Variants in LNX1 observed in about 807,000 individuals in gnomAD.
LNX1 encodes the protein E3 ubiquitin-protein ligase LNX.
LNX1 carries 54 observed loss-of-function variants against 68.4 expected under a neutral mutation model. The observed-to-expected ratio is 0.79, with a 90% CI of 0.63 to 0.99. The LOEUF (loss-of-function observed/expected upper bound fraction) is 0.99, where lower values mean the gene tolerates loss of function less well. Among genes scored for constraint, LNX1 ranks in the 50% least tolerant of loss-of-function variants. The pLI is 0.00. For synonymous variants in LNX1, 336 were observed against 350.0 expected (o/e 0.96, Z 0.45); for missense variants, 906 against 926.4 (o/e 0.98, Z 0.29).
intron 2 of LNX1, among the ~76,000 whole-genome samples, chr4:53,561,072 G>A (rs991311040): frequency 2.0e-5 from 3 of 152,052 alleles, no homozygotes; most frequent in Admixed American, 6.6e-5. Context: ...ACTAAACAAG[G>A]TTTATTTAGG....
chr4:53,613,102 G>A (rs1341269799), intron 2 of LNX1, among the ~76,000 whole-genome samples: 1 of 149,690 alleles, frequency 6.7e-6, no homozygotes, highest in African/African-American at 2.5e-5. Flanking sequence ...TTATTAATAT[G>A]GGCTTTCTGG....
chr4:53,523,361 A>C (rs765923116), intron 2 of LNX1: 3 of 152,308 alleles, frequency 2.0e-5, no homozygotes, highest in Non-Finnish European at 4.4e-5. Context: ...GTCTCAGCTC[A>C]CTGCAACCTC....
chr4:53,565,174 T>TA (rs1730576071), intron 2 of LNX1, among the ~76,000 whole-genome samples: 2 of 152,108 alleles, frequency 1.3e-5, no homozygotes, highest in Non-Finnish European at 2.9e-5. Context: ...CCTGCCTCTG[T>TA]AGGCTCCACC....
chr4:53,492,506 T>TGAGAGAGAGTGA (rs1553931985), intron 6 of LNX1, among the ~76,000 whole-genome samples: 1 of 88,942 alleles, frequency 1.1e-5, no homozygotes, highest in African/African-American at 4.0e-5. Context: ...CAGAGGGCTC[T>TGAGAGAGAGTGA]GAGAGAGAGA....
intron 4 of LNX1, among the ~76,000 whole-genome samples, chr4:53,499,340 G>A (rs543081117): frequency 6.6e-5 from 10 of 152,088 alleles, no homozygotes; most frequent in Middle Eastern, 3.4e-3. Flanking sequence ...TACATTTTTT[G>A]TGGAGACGGA....
rs758603929 is a variant in LNX1 at position 53,573,671 on chromosome 4, C to T, written c.332G>A (p.Cys111Tyr). ...GTCACAGCGCTGCAACACCTGGGTGCAGTGCTCCCTGAATGGGCAGGTCAC... is the reference window on the plus strand; with the variant it reads ...GTCACAGCGCTGCAACACCTGGGTGTAGTGCTCCCTGAATGGGCAGGTCAC... The part of the protein sequence containing the change: ...LLVTCPFREH[C>Y]TQVLQRCDLE... Residue 111 changes from cysteine to tyrosine, a missense_variant, in exon 2 of 11, where the codon TGC (cysteine) becomes TAC (tyrosine). By Grantham distance (194) the Cys-to-Tyr change is radical (BLOSUM62 -2). Transcript: ENST00000263925. 1.2e-6 allele frequency: 2 copies of T among 1,608,044 alleles called. No individual in the cohort carries two copies. The highest frequency in any genetic ancestry group is 1.7e-6 in the Non-Finnish European group (2 of 1,177,388).
chr4:53,535,974 G>T (rs752579862), intron 2 of LNX1, among the ~76,000 whole-genome samples: 3 of 152,140 alleles, frequency 2.0e-5, no homozygotes, highest in African/African-American at 4.8e-5. Context: ...CAGTACTTCC[G>T]AGAGGTATTC....
chr4:53,513,319 A>G (rs1464657152), intron 2 of LNX1, among the ~76,000 whole-genome samples: 4 of 152,198 alleles, frequency 2.6e-5, no homozygotes, highest in Non-Finnish European at 4.4e-5. Context: ...CCTATTAGTT[A>G]TACCACCTCA....
intron 2 of LNX1, among the ~76,000 whole-genome samples, chr4:53,604,681 T>C (rs747490381): frequency 1.3e-5 from 2 of 152,236 alleles, no homozygotes; most frequent in Non-Finnish European, 2.9e-5. Flanking sequence ...CAACCAAAAA[T>C]GAATTATGAA....
At chr4:53,582,792 A>G (rs887678705) in intron 1 of LNX1, among the ~76,000 whole-genome samples, 4 of 152,138 alleles carry the variant, frequency 2.6e-5, no homozygotes, top group African/African-American at 9.7e-5. Flanking sequence ...CTTAGTTTCA[A>G]ACTGGTCACT....
At chr4:53,550,771 G>A (rs1729447509) in intron 2 of LNX1, among the ~76,000 whole-genome samples, 1 of 152,088 alleles carries the variant, frequency 6.6e-6, no homozygotes, top group African/African-American at 2.4e-5. Context: ...CCCAATACCT[G>A]GCCCAGGTCT....
chr4:53,624,427 C>T (rs34832930), intron 1 of LNX1, among the ~76,000 whole-genome samples: 20,582 of 152,176 alleles, frequency 0.14, 1,579 homozygotes, highest in East Asian at 0.3. Flanking sequence ...CTCTTGCCTG[C>T]CACCATGTAA....
At chr4:53,585,184 GA>G (rs1187200899) in intron 1 of LNX1, among the ~76,000 whole-genome samples, 1 of 152,182 alleles carries the variant, frequency 6.6e-6, no homozygotes, top group Non-Finnish European at 1.5e-5. Flanking sequence ...TGCAATCTAT[GA>G]TGGTTTTTAC....
Position 53,560,413 on chromosome 4 carries a change from C to G in LNX1, c.380+13210G>C, listed in dbSNP as rs1037965280. On this transcript the variant is annotated intron_variant, in intron 2 of 10. Transcript: ENST00000263925. ...TTGTTTTTTATGTTGCTATTGCAAC[C>G]ACTGCTGGTTGCCTATCAAATATTT... is the stretch of plus-strand genomic sequence containing the variant. Among the ~76,000 whole-genome samples the G allele has an allele frequency of 1.6e-4, 25 of 152,112 alleles. 2 individuals are homozygous for G. The highest frequency in any genetic ancestry group is 1.4e-3 in the Admixed American group (21 of 15,262).
At chr4:53,507,893 A>G in intron 3 of LNX1, 93 bp downstream of exon 3, 1 of 1,480,268 alleles carries the variant, frequency 6.8e-7, no homozygotes, top group Non-Finnish European at 9.1e-7. Flanking sequence ...TTCCCCTTAA[A>G]AAACATTTAC....
At chr4:53,622,036 T>TA (rs1277678497), upstream of LNX1, among the ~76,000 whole-genome samples, 1 of 152,184 alleles carries the variant, frequency 6.6e-6, no homozygotes, top group Non-Finnish European at 1.5e-5. Flanking sequence ...AGGTTTTATT[T>TA]AAAAAGGACT....
At chr4:53,481,058 T>C (rs1388170617) in intron 7 of LNX1, among the ~76,000 whole-genome samples, 3 of 152,218 alleles carry the variant, frequency 2.0e-5, no homozygotes, top group South Asian at 2.1e-4. Flanking sequence ...GGTTAAGGCA[T>C]TGCCTCTAAT....
At chr4:53,490,814 T>C (rs1724628296) in intron 6 of LNX1, among the ~76,000 whole-genome samples, 1 of 152,206 alleles carries the variant, frequency 6.6e-6, no homozygotes. Flanking sequence ...GTTACAAATA[T>C]CACATAAATA....
chr4:53,460,832 G>T lies in LNX1; in HGVS notation c.*75C>A. 5 of 1,321,696 alleles carry T rather than the reference G, an allele frequency of 3.8e-6. No individual in the cohort carries two copies. Among genetic ancestry groups the T allele is most frequent in the South Asian group, 1.4e-5 (1 of 70,050 alleles). 81.9% of individuals were successfully genotyped at this position (1,321,696 alleles called of 1,614,324 possible). The stretch of plus-strand genomic sequence containing the variant: ...TATTCTTTCTTTAAATATAAAAACT[G>T]ACAAGATAAATATAGTGTTTCAACT... On this transcript the variant is annotated 3_prime_UTR_variant, in exon 11 of 11. Transcript: ENST00000263925.
Sources: allele counts gnomAD v4.1 joint callset (sites outside exome capture counted in the v4.1 genomes callset), GRCh38; gene constraint gnomAD v4.1.1; transcripts MANE v1.5; gene names NCBI Gene and HGNC (gene_info 2026-07-23, HGNC 2026-07-21).